Variants in TAFA2 observed in about 807,000 individuals in gnomAD.
TAFA2 encodes the protein chemokine-like protein TAFA-2.
In TAFA2, 7 loss-of-function variants were observed where a neutral mutation model predicts 18.8. That is an observed-to-expected ratio of 0.37 (90% CI 0.21 to 0.70). The LOEUF (loss-of-function observed/expected upper bound fraction) is 0.70. TAFA2 is among the 30% of genes least tolerant of loss of function. TAFA2 has a pLI of 0.53. For synonymous variants in TAFA2, 60 were observed against 54.2 expected (o/e 1.11, Z -0.47); for missense variants, 122 against 158.1 (o/e 0.77, Z 1.23).
intron 1 of TAFA2, among the ~76,000 whole-genome samples, chr12:62,122,812 C>A (rs1265883756): frequency 6.6e-6 from 1 of 152,208 alleles, no homozygotes; most frequent in Non-Finnish European, 1.5e-5. Flanking sequence ...TTGGTGTGAA[C>A]TGCACCGCAT....
intron 2 of TAFA2, among the ~76,000 whole-genome samples, chr12:61,843,378 G>A (rs563121533): frequency 5.7e-4 from 86 of 152,148 alleles, no homozygotes; most frequent in African/African-American, 2.0e-3. Context: ...AACAAAAAAT[G>A]AGGCTGACCA....
chr12:61,782,537 CAT>C (rs1428726325), intron 2 of TAFA2, among the ~76,000 whole-genome samples: 2 of 151,688 alleles, frequency 1.3e-5, no homozygotes, highest in African/African-American at 2.4e-5. Context: ...GTTTTTTACA[CAT>C]GTTATACAAA....
In TAFA2 at chr12:61,875,103, G is replaced by A. The variant is rs556072683; in HGVS notation, c.-1-7677C>T. ...AAATTTGTCAACTTTACTTAACATC[G>A]AGTCTCAATGCACACATAAAGAATG... On this transcript the variant is annotated intron_variant, in intron 1 of 4. Coordinates refer to ENST00000416284, the MANE Select transcript of TAFA2 (RefSeq NM_178539.5). 2.6e-5 allele frequency among the ~76,000 whole-genome samples: 4 copies of A among 152,018 alleles called. No individual in the cohort carries two copies. In the South Asian group the frequency reaches 6.2e-4, roughly 24 times the overall value.
chr12:61,818,817 T>G (rs1292342771), intron 2 of TAFA2, among the ~76,000 whole-genome samples: 1 of 152,256 alleles, frequency 6.6e-6, no homozygotes, highest in Non-Finnish European at 1.5e-5. Context: ...TCAACTTTTA[T>G]TTTATTGAAA....
At chr12:62,178,286 T>A (rs1294165078) in intron 1 of TAFA2, among the ~76,000 whole-genome samples, 2 of 151,838 alleles carry the variant, frequency 1.3e-5, no homozygotes, top group Non-Finnish European at 2.9e-5. Flanking sequence ...AATGACAGAG[T>A]CTCTAAAAAA....
chr12:61,749,514 A>G (rs1868906314), intron 4 of TAFA2, among the ~76,000 whole-genome samples: 2 of 152,124 alleles, frequency 1.3e-5, no homozygotes, highest in Admixed American at 1.3e-4. Flanking sequence ...GAGTACTATT[A>G]ATATAAAATG....
At chr12:62,006,915 A>G (rs1453627607) in intron 1 of TAFA2, among the ~76,000 whole-genome samples, 1 of 152,196 alleles carries the variant, frequency 6.6e-6, no homozygotes, top group African/African-American at 2.4e-5. Flanking sequence ...AGTTACTTAA[A>G]CTAACAACTA....
At chr12:61,718,318 C>T (rs1231198495) in intron 4 of TAFA2, among the ~76,000 whole-genome samples, 2 of 152,212 alleles carry the variant, frequency 1.3e-5, no homozygotes, top group Non-Finnish European at 2.9e-5. Flanking sequence ...AGAAGCAGAT[C>T]AGCCGTTTCT....
intron 1 of TAFA2, among the ~76,000 whole-genome samples, chr12:62,257,162 A>ATGTGTGTGTATATGTATATATACACTG (rs764477679): frequency 3.9e-5 from 2 of 50,916 alleles, no homozygotes; most frequent in Non-Finnish European, 8.4e-5. Flanking sequence ...ATACATATAT[A>ATGTGTGTGTATATGTATATATACACTG]TGTGTGTGTG....
chr12:62,234,547 G>A (rs59903640), intron 1 of TAFA2: 29 of 847,222 alleles, frequency 3.4e-5, no homozygotes, highest in African/African-American at 1.5e-4. Flanking sequence ...GTGTACCCAC[G>A]TATGTCATCT....
intron 1 of TAFA2, among the ~76,000 whole-genome samples, chr12:62,171,455 G>A (rs1375381514): frequency 6.6e-6 from 1 of 152,160 alleles, no homozygotes; most frequent in Non-Finnish European, 1.5e-5. Context: ...AATTGCTATG[G>A]TCTAAATGTG....
chr12:62,110,766 G>T (rs1227313578), intron 1 of TAFA2, among the ~76,000 whole-genome samples: 1 of 151,986 alleles, frequency 6.6e-6, no homozygotes, highest in South Asian at 2.1e-4. Context: ...AGATTTTCAA[G>T]TTTCTATACA....
chr12:61,873,813 A>T (rs1392868300), intron 1 of TAFA2, among the ~76,000 whole-genome samples: 1 of 152,128 alleles, frequency 6.6e-6, no homozygotes, highest in African/African-American at 2.4e-5. Flanking sequence ...TATCCAAGTT[A>T]TTACTGAAAT....
At chr12:62,090,881 G>A (rs1171265005) in intron 1 of TAFA2, among the ~76,000 whole-genome samples, 1 of 151,854 alleles carries the variant, frequency 6.6e-6, no homozygotes, top group African/African-American at 2.4e-5. Context: ...ACTAGTTTGG[G>A]CCAAAATTAT....
At chr12:61,947,727 T>A (rs2121444220) in intron 1 of TAFA2, among the ~76,000 whole-genome samples, 2 of 152,230 alleles carry the variant, frequency 1.3e-5, no homozygotes, top group South Asian at 4.1e-4. Flanking sequence ...TGCTCTCATC[T>A]CCTCGATATG....
chr12:61,760,074 G>GT (rs1869463546), intron 2 of TAFA2, among the ~76,000 whole-genome samples: 3 of 49,328 alleles, frequency 6.1e-5, no homozygotes, highest in Non-Finnish European at 3.8e-5. Context: ...CCTGCCCAGT[G>GT]CTTTTTTTTT....
At chr12:62,178,925 A>C (rs1353347394) in intron 1 of TAFA2, among the ~76,000 whole-genome samples, 3 of 152,178 alleles carry the variant, frequency 2.0e-5, no homozygotes, top group Non-Finnish European at 4.4e-5. Context: ...TTTGAATTCA[A>C]ACCTGCCTCT....
chr12:61,848,551 T>A (rs1350338249), intron 2 of TAFA2, among the ~76,000 whole-genome samples: 1 of 152,204 alleles, frequency 6.6e-6, no homozygotes, highest in Non-Finnish European at 1.5e-5. Flanking sequence ...TTTTACTGTA[T>A]GTTTTTACTG....
intron 1 of TAFA2, among the ~76,000 whole-genome samples, chr12:61,933,233 C>A (rs1361876575): frequency 6.6e-6 from 1 of 152,184 alleles, no homozygotes; most frequent in Non-Finnish European, 1.5e-5. Context: ...TGCCATCAAT[C>A]AGACTGAGCT....
Sources: gnomAD v4.1 joint callset for allele counts (sites outside exome capture counted in the v4.1 genomes callset) on GRCh38, gnomAD v4.1.1 for gene constraint, MANE v1.5 for transcripts, NCBI Gene and HGNC (gene_info 2026-07-23, HGNC 2026-07-21) for gene names.